Variants in GPC5 observed in about 807,000 individuals in gnomAD.
The protein encoded by GPC5 is glypican 5, also known as glypican-5.
Under a neutral mutation model 53.9 loss-of-function variants are expected in GPC5, and 47 were observed. That is an observed-to-expected ratio of 0.87 (90% CI 0.69 to 1.11). The LOEUF is 1.11. Among genes scored for constraint, GPC5 ranks in the 50% most tolerant of loss-of-function variants. The pLI is 0.00. For missense variants in GPC5, 748 were observed against 713.1 expected (o/e 1.05, Z -0.56); for synonymous variants, 286 against 263.3 (o/e 1.09, Z -0.84).
At chr13:92,505,276 G>A (rs1217075020) in intron 7 of GPC5, among the ~76,000 whole-genome samples, 1 of 151,900 alleles carries the variant, frequency 6.6e-6, no homozygotes, top group Admixed American at 6.6e-5. Context: ...AAATGTAGCA[G>A]TAAGAATCAA....
rs535911802 is a variant in GPC5 at position 91,937,839 on chromosome 13, C to T, written c.1401+29782C>T. Among the ~76,000 whole-genome samples the T allele has an allele frequency of 5.3e-4, 81 of 152,026 alleles. 1 individual carries two copies. Among genetic ancestry groups the T allele is most frequent in the South Asian group, 4.8e-3 (23 of 4,830 alleles). On this transcript the variant is annotated intron_variant, in intron 6 of 7. Transcript: ENST00000377067. The stretch of plus-strand genomic sequence containing the variant: ...TAAGACATTTTATTATCTAGAGAGG[C>T]GCAGAAGTCTAAGCACCCTTCATTT...
intron 6 of GPC5, among the ~76,000 whole-genome samples, chr13:92,135,405 G>C (rs534145093): frequency 2.0e-5 from 3 of 152,050 alleles, no homozygotes; most frequent in Non-Finnish European, 2.9e-5. Flanking sequence ...TCACTTACTC[G>C]TTAGTTTTTA....
chr13:92,556,378 T>C (rs1230637857), intron 7 of GPC5, among the ~76,000 whole-genome samples: 1 of 151,862 alleles, frequency 6.6e-6, no homozygotes, highest in Non-Finnish European at 1.5e-5. Context: ...AAAAACATTT[T>C]TCTACTAGAG....
At position 92,535,382 on chromosome 13, in the gene GPC5, T is replaced by A. The variant is rs557616273; in HGVS notation, c.1562-330900T>A. On this transcript the variant is annotated intron_variant, in intron 7 of 7. Coordinates refer to ENST00000377067, the MANE Select transcript of GPC5 (RefSeq NM_004466.6). ...AGCAACTATTGCCAGGGAAGAGGCT[T>A]TCATCAGGCGCCGCAACCCAGGAGA... 6.6e-5 allele frequency among the ~76,000 whole-genome samples: 10 copies of A among 152,122 alleles called. No homozygotes were observed. The East Asian group carries it at 1.6e-3, about 24-fold the overall frequency.
At chr13:92,419,051 T>C (rs1362364782) in intron 7 of GPC5, among the ~76,000 whole-genome samples, 1 of 152,204 alleles carries the variant, frequency 6.6e-6, no homozygotes, top group Non-Finnish European at 1.5e-5. Context: ...ACGAGAAGAC[T>C]GTGCAAACCA....
At chr13:91,829,417 A>G (rs2038622073) in intron 5 of GPC5, among the ~76,000 whole-genome samples, 1 of 152,072 alleles carries the variant, frequency 6.6e-6, no homozygotes, top group Non-Finnish European at 1.5e-5. Flanking sequence ...TGGAGGACAT[A>G]ATGAGGACAT....
At chr13:91,774,029 G>A (rs921846223) in intron 5 of GPC5, among the ~76,000 whole-genome samples, 3 of 152,126 alleles carry the variant, frequency 2.0e-5, no homozygotes, top group East Asian at 3.8e-4. Context: ...ACTTGCAAAT[G>A]CATTGCTTTT....
At chr13:91,422,849 C>A (rs909956145) in intron 1 of GPC5, among the ~76,000 whole-genome samples, 18 of 152,078 alleles carry the variant, frequency 1.2e-4, no homozygotes, top group African/African-American at 4.3e-4. Context: ...TTCATTGACA[C>A]CTTAATCTAT....
intron 6 of GPC5, among the ~76,000 whole-genome samples, chr13:91,969,526 A>C (rs1165725278): frequency 6.6e-6 from 1 of 152,172 alleles, no homozygotes; most frequent in Non-Finnish European, 1.5e-5. Context: ...AAGGGGTACT[A>C]TACCAATTTT....
At chr13:92,608,397 C>G (rs1386101542) in intron 7 of GPC5, among the ~76,000 whole-genome samples, 1 of 152,154 alleles carries the variant, frequency 6.6e-6, no homozygotes, top group African/African-American at 2.4e-5. Flanking sequence ...ACCCATTGCT[C>G]TTGTCTAGGA....
At chr13:91,682,556 C>G (rs1054890459) in intron 2 of GPC5, among the ~76,000 whole-genome samples, 1 of 152,042 alleles carries the variant, frequency 6.6e-6, no homozygotes, top group Non-Finnish European at 1.5e-5. Context: ...TGAACCAAAC[C>G]CTATCAGAAT....
At chr13:91,948,904 G>C (rs1194834893) in intron 6 of GPC5, among the ~76,000 whole-genome samples, 1 of 152,028 alleles carries the variant, frequency 6.6e-6, no homozygotes, top group Non-Finnish European at 1.5e-5. Context: ...TTTTTCTTTT[G>C]TGCATTTATT....
intron 7 of GPC5, among the ~76,000 whole-genome samples, chr13:92,304,367 G>T (rs1156724471): frequency 6.6e-6 from 1 of 151,824 alleles, no homozygotes; most frequent in African/African-American, 2.4e-5. Context: ...ACCACGCCCG[G>T]CTAATTTTTT....
chr13:92,792,021 C>A (rs191467690), intron 7 of GPC5, among the ~76,000 whole-genome samples: 129 of 152,000 alleles, frequency 8.5e-4, no homozygotes, highest in African/African-American at 3.0e-3. Flanking sequence ...AAAGCTCTCA[C>A]CTGGAAGGGC....
At chr13:92,666,176 A>C (rs1331732291) in intron 7 of GPC5, among the ~76,000 whole-genome samples, 4 of 152,236 alleles carry the variant, frequency 2.6e-5, no homozygotes, top group Non-Finnish European at 4.4e-5. Context: ...TTATTTTAGC[A>C]TAACAGGGAT....
At chr13:91,651,184 AC>A (rs948774854) in intron 2 of GPC5, among the ~76,000 whole-genome samples, 1 of 152,124 alleles carries the variant, frequency 6.6e-6, no homozygotes, top group Non-Finnish European at 1.5e-5. Context: ...TGGCTTTAAA[AC>A]TTCTGTAGAA....
At chr13:92,722,315 A>G (rs534103950) in intron 7 of GPC5, among the ~76,000 whole-genome samples, 4 of 152,126 alleles carry the variant, frequency 2.6e-5, no homozygotes, top group African/African-American at 9.6e-5. Context: ...TGTCCCATTT[A>G]CTTATATAGA....
At chr13:92,104,397 C>G (rs1369981236) in intron 6 of GPC5, among the ~76,000 whole-genome samples, 2 of 152,102 alleles carry the variant, frequency 1.3e-5, no homozygotes, top group African/African-American at 4.8e-5. Flanking sequence ...GACAATTTTT[C>G]CCAGTATTCT....
chr13:92,295,665 T>C (rs918381376), intron 7 of GPC5, among the ~76,000 whole-genome samples: 4 of 152,214 alleles, frequency 2.6e-5, no homozygotes, highest in African/African-American at 7.2e-5. Context: ...ATGTTTAGAA[T>C]TGTGACAGTT....
Sources: gnomAD v4.1 joint callset for allele counts (sites outside exome capture counted in the v4.1 genomes callset) on GRCh38, gnomAD v4.1.1 for gene constraint, MANE v1.5 for transcripts, NCBI Gene and HGNC (gene_info 2026-07-23, HGNC 2026-07-21) for gene names.